SAFB: variants seen among roughly 807,000 people sequenced by gnomAD.
SAFB encodes the protein scaffold attachment factor B1.
A neutral mutation model predicts 101.6 loss-of-function variants in SAFB; 15 were observed. The ratio of observed to expected loss-of-function variants is 0.15; its 90% CI spans 0.10 to 0.23. The LOEUF is 0.23. SAFB is among the 10% of genes least tolerant of loss of function. The pLI is 1.00. For missense variants in SAFB, 930 were observed against 1,104.1 expected (o/e 0.84, Z 2.23); for synonymous variants, 449 against 407.5 (o/e 1.10, Z -1.23).
At chr19:5,664,328 C>A in intron 16 of SAFB, 69 bp from the exon 17 acceptor site, 1 of 1,471,488 alleles carries the variant, frequency 6.8e-7, no homozygotes, top group Non-Finnish European at 9.5e-7. Flanking sequence ...TCATTGGGGG[C>A]CTGATGGTCC....
chr19:5,666,115 A>G (rs1201616509), intron 17 of SAFB: 1 of 152,194 alleles, frequency 6.6e-6, no homozygotes, highest in Non-Finnish European at 1.5e-5. Context: ...TTCACCTACA[A>G]TGTGGTCATG....
At chr19:5,658,002 A>G (rs1249275893) in intron 14 of SAFB, among the ~76,000 whole-genome samples, 2 of 151,926 alleles carry the variant, frequency 1.3e-5, no homozygotes, top group Non-Finnish European at 2.9e-5. Context: ...GGGCACTGAG[A>G]GGGCTTCCTT....
At position 5,661,970 on chromosome 19, in the gene SAFB, T is replaced by C. The variant is rs567322642; in HGVS notation, c.2153+162T>C. Among the ~76,000 whole-genome samples, 23 of 151,930 alleles carry C rather than the reference T, an allele frequency of 1.5e-4. No homozygotes were observed. In the South Asian group the frequency reaches 3.5e-3, roughly 23 times the overall value. ...CCCGATCTTGGCTCACTGCAAGCTC[T>C]GCCTCCCGGGTTCACACCATTCTCC... On this transcript the variant is annotated intron_variant, in intron 15 of 20. Coordinates refer to ENST00000588852, the MANE Select transcript of SAFB (RefSeq NM_001201338.2).
chr19:5,645,050 A>G (rs570148909), intron 4 of SAFB, among the ~76,000 whole-genome samples: 16 of 152,180 alleles, frequency 1.1e-4, no homozygotes, highest in Non-Finnish European at 2.4e-4. Flanking sequence ...ACTCATTTTC[A>G]TCTCTTTTCT....
In SAFB at chr19:5,667,109, G is replaced by C; in HGVS notation, c.2398G>C (p.Gly800Arg). The C allele has an allele frequency of 6.2e-7, 1 of 1,612,834 alleles. No individual in the cohort carries two copies. Among genetic ancestry groups the C allele is most frequent in the Non-Finnish European group, 8.5e-7 (1 of 1,179,570 alleles). ...CCGGGACTCCCGCGATGGCTGGGGG[G>C]GCTATGGCTCTGACAAGAGGATGAG... ...HGRDSRDGWG[G>R]YGSDKRMSEG... is the part of the protein sequence containing the mutation. The change falls in exon 18 of 21, where the codon GGC becomes CGC. Residue 800 changes from glycine to arginine, a missense_variant. By Grantham distance (125) the Gly-to-Arg change is moderately radical (BLOSUM62 -2). Transcript: ENST00000588852. This position sits in a 1 kb window ranked among gnomAD's most constrained non-coding sequence, Gnocchi z 4.0.
At position 5,667,746 on chromosome 19, in the gene SAFB, G is replaced by C; in HGVS notation, c.2558-74G>C. ...CCTGGGGGCCTCACCAAAGGGAGTG[G>C]AGTGGGCTAAATGTGCCGTGGGTTC... On this transcript the variant is annotated intron_variant, in intron 19 of 20. Transcript: ENST00000588852. The surrounding 1 kb of genome is among the most constrained non-coding windows in gnomAD (Gnocchi z 4.0). 1 of 1,471,690 alleles carries C rather than the reference G, an allele frequency of 6.8e-7. No homozygotes were observed. The highest frequency in any genetic ancestry group is 9.5e-7 in the Non-Finnish European group (1 of 1,055,538). 91.2% of individuals were successfully genotyped at this position (1,471,690 alleles called of 1,614,324 possible).
At chr19:5,653,999 C>G (rs189612649) in intron 11 of SAFB, 62 bp from the exon 12 acceptor site, 127 of 1,553,468 alleles carry the variant, frequency 8.2e-5, no homozygotes, top group African/African-American at 7.9e-4. Flanking sequence ...CCTCATCCCC[C>G]CAAAGTGCTG....
chr19:5,652,413 C>T (rs1465876952), intron 9 of SAFB, among the ~76,000 whole-genome samples: 1 of 152,094 alleles, frequency 6.6e-6, no homozygotes, highest in Admixed American at 6.6e-5. Flanking sequence ...CGCAGCAGGC[C>T]TGATGTGGGT....
intron 2 of SAFB, among the ~76,000 whole-genome samples, chr19:5,640,264 AT>A (rs1341588476): frequency 1.3e-5 from 2 of 152,180 alleles, no homozygotes; most frequent in African/African-American, 2.4e-5. Context: ...CAGGAGATAA[AT>A]TCGTGTTAAA....
chr19:5,649,399 A>G lies in SAFB; in HGVS notation c.1048A>G (p.Ser350Gly), dbSNP rs1172828361. 3 of 444,194 alleles carry G rather than the reference A, an allele frequency of 6.8e-6. No homozygotes were observed. Among genetic ancestry groups the G allele is most frequent in the Non-Finnish European group, 1.1e-5 (3 of 272,320 alleles). The allele number at this position is 444,194 out of a possible 1,614,324, so 27.5% of individuals were successfully genotyped here. A position where few individuals can be genotyped will look rare whatever the true frequency, so the allele number is the denominator to read the frequency against. Residue 350 changes from serine (S) to glycine (G), a missense_variant, in exon 7 of 21, where the codon AGC becomes GGC. Transcript: ENST00000588852. ...TEAPSPEARDSKEDGRKFDFD... is the reference protein window; with the variant it reads ...TEAPSPEARDGKEDGRKFDFD... ...AGCCCCAAGCCCAGAAGCCAGAGAT[A>G]GCAAAGAAGACGGGAGGAAGTTTGA...
At chr19:5,662,036 C>T (rs1330529337) in intron 15 of SAFB, among the ~76,000 whole-genome samples, 1 of 152,124 alleles carries the variant, frequency 6.6e-6, no homozygotes, top group African/African-American at 2.4e-5. Flanking sequence ...AGGCGTTTGC[C>T]ACCTCTCCCG....
intron 2 of SAFB, among the ~76,000 whole-genome samples, chr19:5,639,433 C>T (rs1354365371): frequency 6.6e-6 from 1 of 152,172 alleles, no homozygotes; most frequent in African/African-American, 2.4e-5. Context: ...TGGCTCATGT[C>T]TGTAATCCCA....
intron 2 of SAFB, among the ~76,000 whole-genome samples, chr19:5,636,404 T>C (rs938907967): frequency 6.6e-6 from 1 of 151,982 alleles, no homozygotes; most frequent in African/African-American, 2.4e-5. Context: ...CTGGGTTGAG[T>C]TCCAGCTGTT....
intron 3 of SAFB, 31 bp downstream of exon 3, chr19:5,641,689 G>A (rs374187283): frequency 1.9e-5 from 31 of 1,613,466 alleles, no homozygotes; most frequent in African/African-American, 1.5e-4. Flanking sequence ...GAGTAGCGTG[G>A]TGGATGGACC....
intron 11 of SAFB, 32 bp from the exon 12 acceptor site, chr19:5,654,029 C>G: frequency 6.2e-7 from 1 of 1,610,068 alleles, no homozygotes; most frequent in South Asian, 1.1e-5. Flanking sequence ...GCATGAGCCA[C>G]CACGCCCAGC....
intron 2 of SAFB, among the ~76,000 whole-genome samples, chr19:5,633,312 C>T (rs1296661820): frequency 6.6e-6 from 1 of 152,232 alleles, no homozygotes; most frequent in East Asian, 1.9e-4. Context: ...CATTGGGAAC[C>T]CTGTCAGACA....
At chr19:5,633,537 T>G (rs2053532773) in intron 2 of SAFB, among the ~76,000 whole-genome samples, 1 of 152,080 alleles carries the variant, frequency 6.6e-6, no homozygotes, top group Non-Finnish European at 1.5e-5. Context: ...CCCAGCACTT[T>G]GGGAGGCCGA....
chr19:5,651,845 C>G (rs1219801266), intron 9 of SAFB, among the ~76,000 whole-genome samples: 1 of 152,216 alleles, frequency 6.6e-6, no homozygotes, highest in Non-Finnish European at 1.5e-5. Flanking sequence ...GGGTTCAACA[C>G]ATTGCAATAT....
At chr19:5,639,243 T>G (rs2145422972) in intron 2 of SAFB, among the ~76,000 whole-genome samples, 2 of 152,322 alleles carry the variant, frequency 1.3e-5, no homozygotes, top group African/African-American at 4.8e-5. Context: ...GGGAAAATAG[T>G]CTCACTCAAC....
Sources: gnomAD v4.1 joint callset for allele counts (sites outside exome capture counted in the v4.1 genomes callset) on GRCh38, gnomAD v4.1.1 for gene constraint, Gnocchi (gnomAD v3.1) non-coding constraint, MANE v1.5 for transcripts, NCBI Gene and HGNC (gene_info 2026-07-23, HGNC 2026-07-21) for gene names.